LRP1B: variants seen among roughly 807,000 people sequenced by gnomAD.
LRP1B encodes the protein low-density lipoprotein receptor-related protein 1B.
A neutral mutation model predicts 556.6 loss-of-function variants in LRP1B; 217 were observed. That is an observed-to-expected ratio of 0.39 (90% CI 0.35 to 0.44). The LOEUF (loss-of-function observed/expected upper bound fraction) is 0.44, where lower values mean the gene tolerates loss of function less well. LRP1B is among the 20% of genes least tolerant of loss of function. The pLI is 1.00. For missense variants in LRP1B, 5,053 were observed against 5,620.8 expected, an observed-to-expected ratio of 0.90 and a Z score of 3.23; for synonymous variants, 2,047 against 1,865.8, an observed-to-expected ratio of 1.10 and a Z score of -2.50.
chr2:141,098,858 T>C (rs1700389054), intron 7 of LRP1B, among the ~76,000 whole-genome samples: 1 of 152,202 alleles, frequency 6.6e-6, no homozygotes, highest in South Asian at 2.1e-4. Flanking sequence ...AGTTTCTCCA[T>C]GTTGGTCAGG....
At chr2:141,577,625 C>T (rs1686800149) in intron 2 of LRP1B, among the ~76,000 whole-genome samples, 1 of 152,054 alleles carries the variant, frequency 6.6e-6, no homozygotes, top group African/African-American at 2.4e-5. Flanking sequence ...CGCTAAAGCC[C>T]CCTTCAGCTA....
chr2:141,757,999 C>A (rs1379113862), intron 2 of LRP1B, among the ~76,000 whole-genome samples: 1 of 152,126 alleles, frequency 6.6e-6, no homozygotes, highest in Non-Finnish European at 1.5e-5. Flanking sequence ...GTGGACTTAA[C>A]CTTGTCTAGA....
chr2:142,112,447 C>T (rs75853743), intron 1 of LRP1B, among the ~76,000 whole-genome samples: 8,222 of 151,922 alleles, frequency 0.054, 725 homozygotes, highest in African/African-American at 0.19. Flanking sequence ...TTTAAAAAGC[C>T]ATAAAAGATA....
chr2:141,217,786 A>C (rs1419889686), intron 6 of LRP1B, among the ~76,000 whole-genome samples: 2 of 152,190 alleles, frequency 1.3e-5, no homozygotes, highest in Admixed American at 1.3e-4. Context: ...ACTATAAAGT[A>C]AACAGACAAC....
At chr2:140,943,831 A>G (rs1028293809) in intron 20 of LRP1B, among the ~76,000 whole-genome samples, 1 of 152,122 alleles carries the variant, frequency 6.6e-6, no homozygotes, top group South Asian at 2.1e-4. Flanking sequence ...AAAGATCTCA[A>G]ATTAACAATC....
intron 2 of LRP1B, among the ~76,000 whole-genome samples, chr2:141,533,832 A>C (rs887352433): frequency 6.6e-6 from 1 of 152,104 alleles, no homozygotes; most frequent in Non-Finnish European, 1.5e-5. Flanking sequence ...TGGCATCCCT[A>C]TCTTCACTTA....
chr2:141,590,327 C>G (rs1282870447), intron 2 of LRP1B, among the ~76,000 whole-genome samples: 1 of 152,118 alleles, frequency 6.6e-6, no homozygotes, highest in Non-Finnish European at 1.5e-5. Flanking sequence ...AGATTACCAC[C>G]CTTTTAATAC....
chr2:140,784,376 C>CCACACACACACACA (rs143661527), intron 32 of LRP1B, among the ~76,000 whole-genome samples: 1,993 of 126,618 alleles, frequency 0.016, 31 homozygotes, highest in East Asian at 0.044. Context: ...GATTCTGCCT[C>CCACACACACACACA]CACACACACA....
chr2:140,712,268 C>T (rs922153045), intron 37 of LRP1B, among the ~76,000 whole-genome samples: 2 of 152,032 alleles, frequency 1.3e-5, no homozygotes, highest in African/African-American at 4.8e-5. Context: ...CTCTAGAGTC[C>T]CTCCAGGAAT....
At chr2:141,761,635 C>T (rs927879045) in intron 2 of LRP1B, among the ~76,000 whole-genome samples, 3 of 152,054 alleles carry the variant, frequency 2.0e-5, no homozygotes, top group Non-Finnish European at 4.4e-5. Flanking sequence ...TATTTGCATA[C>T]CTGTTGGACA....
intron 3 of LRP1B, among the ~76,000 whole-genome samples, chr2:141,276,850 G>T (rs2105379261): frequency 1.3e-5 from 2 of 152,050 alleles, no homozygotes; most frequent in East Asian, 3.9e-4. Context: ...TAGAGATGGG[G>T]TTTCACCCTG....
At chr2:141,211,541 C>T (rs999072906) in intron 6 of LRP1B, among the ~76,000 whole-genome samples, 2 of 151,832 alleles carry the variant, frequency 1.3e-5, no homozygotes, top group Admixed American at 6.6e-5. Flanking sequence ...TGCTTGAACC[C>T]GGGAGGCAGA....
intron 1 of LRP1B, among the ~76,000 whole-genome samples, chr2:141,901,661 A>T (rs1699621685): frequency 6.6e-6 from 1 of 151,916 alleles, no homozygotes; most frequent in Admixed American, 6.6e-5. Context: ...TTAATAAAAA[A>T]ACTATTGACA....
chr2:140,435,680 AAAG>A (rs1686146312), intron 66 of LRP1B, among the ~76,000 whole-genome samples: 1 of 152,046 alleles, frequency 6.6e-6, no homozygotes, highest in African/African-American at 2.4e-5. Context: ...AAAAAAAAAA[AAAG>A]AAAGAAACAT....
intron 3 of LRP1B, among the ~76,000 whole-genome samples, chr2:141,379,132 C>G (rs1689543957): frequency 1.3e-5 from 2 of 152,044 alleles, no homozygotes; most frequent in Admixed American, 6.6e-5. Context: ...CAGCAATTCA[C>G]CATGTATAAA....
At chr2:141,218,010 C>T (rs1682886225) in intron 6 of LRP1B, among the ~76,000 whole-genome samples, 1 of 151,922 alleles carries the variant, frequency 6.6e-6, no homozygotes, top group Admixed American at 6.6e-5. Flanking sequence ...CAGACAAATG[C>T]AAATCAAAAC....
rs551378101 is a variant in LRP1B at position 140,670,745 on chromosome 2, G to A, written c.6799+29505C>T. Among the ~76,000 whole-genome samples, 7 of 152,272 alleles carry A rather than the reference G, an allele frequency of 4.6e-5. No homozygotes were observed. The South Asian group carries it at 1.4e-3, about 32-fold the overall frequency. On this transcript the variant is annotated intron_variant, in intron 41 of 90. Coordinates refer to ENST00000389484, the MANE Select transcript of LRP1B (RefSeq NM_018557.3). ...AGGCAAAGAGAATCCCTAGAATAATGTTGAAGAAATATTCCAATATTACTT... is the reference window on the plus strand; with the variant it reads ...AGGCAAAGAGAATCCCTAGAATAATATTGAAGAAATATTCCAATATTACTT...
chr2:140,416,499 T>C (rs1166578739), intron 66 of LRP1B, among the ~76,000 whole-genome samples: 1 of 151,662 alleles, frequency 6.6e-6, no homozygotes, highest in Non-Finnish European at 1.5e-5. Context: ...TACAAAAAAA[T>C]ACAAAAATTA....
chr2:140,543,356 A>T lies in LRP1B; in HGVS notation c.7195-1385T>A, dbSNP rs138967975. 5.1e-4 allele frequency among the ~76,000 whole-genome samples: 67 copies of T among 132,334 alleles called. 1 individual carries two copies. In the East Asian group the frequency reaches 0.014, roughly 27 times the overall value. The allele number at this position is 132,334 out of a possible 152,430, so 86.8% of individuals were successfully genotyped here. A position where few individuals can be genotyped will look rare whatever the true frequency, so the allele number is the denominator to read the frequency against. On this transcript the variant is annotated intron_variant, in intron 43 of 90. Coordinates refer to ENST00000389484, the MANE Select transcript of LRP1B (RefSeq NM_018557.3). ...GACAGAAAAACAATAGAGCGAAATC[A>T]GTAAAACTAAAAACTGGGTTTTTTT...
Sources: allele counts gnomAD v4.1 joint callset (sites outside exome capture counted in the v4.1 genomes callset), GRCh38; gene constraint gnomAD v4.1.1; transcripts MANE v1.5; gene names NCBI Gene and HGNC (gene_info 2026-07-23, HGNC 2026-07-21).